The following RSF1 variants were observed in gnomAD, a reference collection of about 807,000 sequenced individuals.
The protein encoded by RSF1 is HBV pX-associated protein 8.
Under a neutral mutation model 145.2 loss-of-function variants are expected in RSF1, and 13 were observed. The observed-to-expected ratio is 0.09, with a 90% CI of 0.06 to 0.14. The LOEUF (loss-of-function observed/expected upper bound fraction) is 0.14. RSF1 is among the 10% of genes least tolerant of loss of function. The pLI is 1.00. For missense variants in RSF1, 1,517 were observed against 1,718.2 expected (o/e 0.88, Z 2.07); for synonymous variants, 577 against 592.6 (o/e 0.97, Z 0.38).
chr11:77,675,398 A>G (rs1354241352), intron 13 of RSF1, 142 bp from the exon 14 acceptor site: 1 of 639,058 alleles, frequency 1.6e-6, no homozygotes, highest in African/African-American at 1.8e-5. Context: ...CAAATGCCCT[A>G]TTTATAAAAT....
At chr11:77,673,471 G>C (rs774093415) in intron 14 of RSF1, among the ~76,000 whole-genome samples, 1 of 152,156 alleles carries the variant, frequency 6.6e-6, no homozygotes, top group Non-Finnish European at 1.5e-5. Flanking sequence ...GGTTCTCATT[G>C]GCCAAATTTG....
intron 4 of RSF1, among the ~76,000 whole-genome samples, chr11:77,735,808 T>C (rs1961335543): frequency 6.6e-6 from 1 of 152,192 alleles, no homozygotes; most frequent in South Asian, 2.1e-4. Flanking sequence ...GGCGCAATCT[T>C]GGCTCACTGC....
At chr11:77,795,517 C>G (rs1948563627) in intron 1 of RSF1, among the ~76,000 whole-genome samples, 1 of 152,156 alleles carries the variant, frequency 6.6e-6, no homozygotes, top group African/African-American at 2.4e-5. Flanking sequence ...GGTATAAAAT[C>G]AGACACACAG....
chr11:77,804,283 C>G (rs568942715), intron 1 of RSF1, among the ~76,000 whole-genome samples: 1 of 152,254 alleles, frequency 6.6e-6, no homozygotes, highest in South Asian at 2.1e-4. Flanking sequence ...AAAGCACTTT[C>G]TTGAGTTCTG....
intron 5 of RSF1, among the ~76,000 whole-genome samples, chr11:77,719,200 T>C (rs771281997): frequency 1.3e-4 from 20 of 152,112 alleles, no homozygotes; most frequent in Non-Finnish European, 1.5e-4. Context: ...TGGCACTAGA[T>C]TCCAGCCTGG....
At chr11:77,773,312 G>A (rs1348333627) in intron 1 of RSF1, among the ~76,000 whole-genome samples, 4 of 151,440 alleles carry the variant, frequency 2.6e-5, no homozygotes, top group Non-Finnish European at 5.9e-5. Flanking sequence ...AATCAGTGGC[G>A]CCAATTACAT....
chr11:77,684,652 G>A (rs17135809), intron 10 of RSF1, among the ~76,000 whole-genome samples: 19,417 of 151,964 alleles, frequency 0.13, 1,409 homozygotes, highest in Admixed American at 0.2. Flanking sequence ...GTGATTTCTC[G>A]AAGGTCTTAA....
chr11:77,772,627 C>T (rs181463434), intron 1 of RSF1, among the ~76,000 whole-genome samples: 1 of 152,146 alleles, frequency 6.6e-6, no homozygotes, highest in East Asian at 1.9e-4. Flanking sequence ...TTGAATTTGT[C>T]ATTCATAATT....
At chr11:77,705,944 A>AT (rs1217111309) in intron 5 of RSF1, among the ~76,000 whole-genome samples, 1 of 152,152 alleles carries the variant, frequency 6.6e-6, no homozygotes, top group Non-Finnish European at 1.5e-5. Flanking sequence ...GTTTTATACT[A>AT]TTTTTTATTT....
At chr11:77,818,913 T>C (rs1454320467) in intron 1 of RSF1, among the ~76,000 whole-genome samples, 1 of 152,234 alleles carries the variant, frequency 6.6e-6, no homozygotes, top group Non-Finnish European at 1.5e-5. Flanking sequence ...CACCCTCCTA[T>C]TTTGTACTAT....
chr11:77,814,989 C>G (rs939051772), intron 1 of RSF1, among the ~76,000 whole-genome samples: 15 of 152,036 alleles, frequency 9.9e-5, no homozygotes, highest in African/African-American at 3.4e-4. Context: ...TTATGGCATA[C>G]AAGTGAAAGA....
intron 1 of RSF1, among the ~76,000 whole-genome samples, chr11:77,801,719 A>C (rs1283507328): frequency 1.3e-5 from 2 of 152,192 alleles, no homozygotes; most frequent in African/African-American, 4.8e-5. Context: ...GAATCTTCAG[A>C]ATGAGAACTG....
At position 77,701,677 on chromosome 11, in the gene RSF1, A is replaced by G. The variant is rs766221432; in HGVS notation, c.1552T>C (p.Ser518Pro). 4 of 1,613,942 alleles carry G rather than the reference A, an allele frequency of 2.5e-6. No individual in the cohort carries two copies. In the Admixed American group the frequency reaches 6.7e-5, roughly 27 times the overall value. The change falls in exon 6 of 16, where the codon TCA becomes CCA. Residue 518 changes from serine to proline, a missense_variant. By Grantham distance (74) the Ser-to-Pro change is moderately conservative. This residue lies in a region of RSF1 where 579 missense variants were observed against 553.5 expected (regional missense o/e 1.05). Transcript: ENST00000308488. ...TTTTGACTATGGATCTCTAAGACTG[A>G]TATTGAACTATCTGCATCTTTCCTC... ...PLRKDADSSI[S>P]VLEIHSQKAQ...
chr11:77,803,235 C>T (rs1419786059), intron 1 of RSF1, among the ~76,000 whole-genome samples: 1 of 152,058 alleles, frequency 6.6e-6, no homozygotes, highest in Admixed American at 6.5e-5. Context: ...GGAGCCTCCA[C>T]CTCCTGGGCT....
In RSF1 at chr11:77,660,675, C is replaced by G. The variant is rs1429210301; in HGVS notation, c.*6242G>C. ...GGCATTCTGATCAGTCCCTGAATTC[C>G]AGCTATTACTTTAAATCAAAATTCT... On this transcript the variant is annotated 3_prime_UTR_variant, in exon 16 of 16. Transcript: ENST00000308488. The G allele has an allele frequency of 1.3e-5, 2 of 152,000 alleles. No homozygotes were observed. Among genetic ancestry groups the G allele is most frequent in the Non-Finnish European group, 2.9e-5 (2 of 67,986 alleles). The allele number at this position is 152,000 out of a possible 1,614,324, so 9.4% of individuals were successfully genotyped here.
the RSF1 span, chr11:77,851,219 C>T: frequency 6.6e-6 from 1 of 152,238 alleles, no homozygotes; most frequent in Non-Finnish European, 1.5e-5. Context: ...TCCCAAAGTG[C>T]TGGGATTACA....
chr11:77,786,779 T>A lies in RSF1; in HGVS notation c.188-22090A>T, dbSNP rs146734085. On this transcript the variant is annotated intron_variant, in intron 1 of 15. Transcript: ENST00000308488. Reference sequence around the variant, plus strand: ...TGTGTTTCCAACAAATATGGAGTAATAAGGACAAAGTTTACCTGACTGAAA... The same window carrying A: ...TGTGTTTCCAACAAATATGGAGTAAAAAGGACAAAGTTTACCTGACTGAAA... Among the ~76,000 whole-genome samples the A allele has an allele frequency of 3.4e-3, 514 of 152,080 alleles. 5 individuals are homozygous for A. The highest frequency in any genetic ancestry group is 6.8e-3 in the Middle Eastern group (2 of 294).
chr11:77,777,145 C>A (rs1200080605), intron 1 of RSF1, among the ~76,000 whole-genome samples: 3 of 152,082 alleles, frequency 2.0e-5, no homozygotes, highest in African/African-American at 7.2e-5. Context: ...TTCTAGATAT[C>A]ATTATTTCAT....
At chr11:77,748,241 T>C (rs1034850403) in intron 2 of RSF1, among the ~76,000 whole-genome samples, 9 of 151,320 alleles carry the variant, frequency 5.9e-5, no homozygotes, top group African/African-American at 2.2e-4. Context: ...TTTTTTTTTT[T>C]TGGAGATAGG....
Sources: gnomAD v4.1 joint callset for allele counts (sites outside exome capture counted in the v4.1 genomes callset) on GRCh38, gnomAD v4.1.1 for gene constraint, gnomAD v4.1.1 regional missense constraint, MANE v1.5 for transcripts, NCBI Gene and HGNC (gene_info 2026-07-23, HGNC 2026-07-21) for gene names.